Variants in MTCL2 observed in about 807,000 individuals in gnomAD.
MTCL2 encodes microtubule crosslinking factor 2, also known as microtubule cross-linking factor 2.
the MTCL2 span, among the ~76,000 whole-genome samples, chr20:36,841,874 G>GGGGGTGTGTGTGT: frequency 2.7e-5 from 3 of 110,768 alleles, no homozygotes; most frequent in African/African-American, 9.7e-5. Flanking sequence ...TGGGGGGTGG[G>GGGGGTGTGTGTGT]GTGTGTGTGT....
the MTCL2 span, among the ~76,000 whole-genome samples, chr20:36,841,588 T>C: frequency 6.6e-6 from 1 of 152,008 alleles, no homozygotes. Context: ...TGTGTCAAGG[T>C]ACAGCAAGGA....
the MTCL2 span, chr20:36,817,266 C>CA: frequency 0.078 from 39,723 of 512,412 alleles, 73 homozygotes; most frequent in Middle Eastern, 0.11. Flanking sequence ...GACTCCGTCT[C>CA]AAAAAAAAAA....
At chr20:36,856,637 T>A in the MTCL2 span, among the ~76,000 whole-genome samples, 20 of 152,042 alleles carry the variant, frequency 1.3e-4, no homozygotes, top group African/African-American at 4.8e-4. Context: ...ACCACCCCCA[T>A]CCACCCACCA....
chr20:36,804,782 C>T, the MTCL2 span: 1 of 1,613,958 alleles, frequency 6.2e-7, no homozygotes, highest in Non-Finnish European at 8.5e-7. Context: ...TCCCAGGTAG[C>T]CTTGGCCTTG....
the MTCL2 span, among the ~76,000 whole-genome samples, chr20:36,788,374 G>A: frequency 3.3e-5 from 5 of 152,054 alleles, no homozygotes; most frequent in East Asian, 1.9e-4. Context: ...AAAATGGCCC[G>A]GGCGCGGTGG....
the MTCL2 span, among the ~76,000 whole-genome samples, chr20:36,802,168 C>A: frequency 6.6e-6 from 1 of 152,100 alleles, no homozygotes; most frequent in South Asian, 2.1e-4. Context: ...CGCCTGTAAT[C>A]CCAGCTACTG....
the MTCL2 span, among the ~76,000 whole-genome samples, chr20:36,788,462 C>A: frequency 6.6e-6 from 1 of 151,708 alleles, no homozygotes; most frequent in Admixed American, 6.6e-5. Context: ...CCATCTGAAA[C>A]CCCGTCTCTA....
At chr20:36,804,789 C>T in the MTCL2 span, 2 of 1,613,978 alleles carry the variant, frequency 1.2e-6, no homozygotes, top group Admixed American at 3.3e-5. Flanking sequence ...TAGCCTTGGC[C>T]TTGGCAAACT....
chr20:36,863,388 C>T, the MTCL2 span: 1 of 1,144,328 alleles, frequency 8.7e-7, no homozygotes, highest in Non-Finnish European at 1.1e-6. The surrounding 1 kb of genome is among the most constrained non-coding windows in gnomAD (Gnocchi z 6.2). Context: ...ATGGCCCAGG[C>T]CCGCCCGGCC....
the MTCL2 span, chr20:36,777,891 T>C: frequency 3.3e-6 from 2 of 610,886 alleles, no homozygotes; most frequent in Non-Finnish European, 5.8e-6. Context: ...AAGGTATCCC[T>C]GGGGTTGGGA....
At chr20:36,862,183 T>A in the MTCL2 span, among the ~76,000 whole-genome samples, 3 of 152,216 alleles carry the variant, frequency 2.0e-5, no homozygotes. Context: ...GAGACAGGCC[T>A]GCGCCCGGGA....
chr20:36,827,215 A>AT, the MTCL2 span, among the ~76,000 whole-genome samples: 4 of 149,902 alleles, frequency 2.7e-5, no homozygotes, highest in Admixed American at 6.7e-5. Flanking sequence ...CACCCAGCTA[A>AT]TTTTTTTTTG....
chr20:36,804,727 G>A, the MTCL2 span: 2 of 1,611,350 alleles, frequency 1.2e-6, no homozygotes, highest in Non-Finnish European at 1.7e-6. Flanking sequence ...GACAGGTGGG[G>A]GGCTCACCTG....
At chr20:36,793,321 G>A in the MTCL2 span, 5 of 1,551,708 alleles carry the variant, frequency 3.2e-6, no homozygotes, top group Admixed American at 7.8e-5. This position sits in a 1 kb window ranked among gnomAD's most constrained non-coding sequence, Gnocchi z 6.8. Flanking sequence ...GGAGCATGGT[G>A]AGTCTGACCT....
the MTCL2 span, chr20:36,812,821 C>T: frequency 2.9e-4 from 469 of 1,612,728 alleles, 5 homozygotes; most frequent in Middle Eastern, 0.011. Context: ...GCTCCCATTC[C>T]GGCAGGTCCC....
At chr20:36,798,610 G>T in the MTCL2 span, among the ~76,000 whole-genome samples, 1 of 152,202 alleles carries the variant, frequency 6.6e-6, no homozygotes, top group Admixed American at 6.5e-5. Flanking sequence ...AAAGACAGGG[G>T]TCCAAAAGAC....
the MTCL2 span, among the ~76,000 whole-genome samples, chr20:36,809,374 T>C: frequency 6.6e-6 from 1 of 152,176 alleles, no homozygotes; most frequent in South Asian, 2.1e-4. Flanking sequence ...CCAGAACTAT[T>C]ATCTTGATTA....
the MTCL2 span, among the ~76,000 whole-genome samples, chr20:36,845,024 A>AAAAG: frequency 7.3e-5 from 11 of 149,928 alleles, no homozygotes; most frequent in Middle Eastern, 6.8e-3. Flanking sequence ...AAAAAAAAAA[A>AAAAG]AAGAAGAAGA....
chr20:36,797,252 G>C, the MTCL2 span, among the ~76,000 whole-genome samples: 1 of 152,088 alleles, frequency 6.6e-6, no homozygotes, highest in African/African-American at 2.4e-5. Context: ...CTGCTCAGCT[G>C]GTGGTGGGCT....
Sources: gnomAD v4.1 joint callset for allele counts (sites outside exome capture counted in the v4.1 genomes callset) on GRCh38, gnomAD v4.1.1 for gene constraint, Gnocchi (gnomAD v3.1) non-coding constraint, MANE v1.5 for transcripts, NCBI Gene and HGNC (gene_info 2026-07-23, HGNC 2026-07-21) for gene names.